SLC24A4: variants seen among roughly 807,000 people sequenced by gnomAD.
SLC24A4 encodes the protein sodium/potassium/calcium exchanger 4.
SLC24A4 carries 53 observed loss-of-function variants against 79.0 expected under a neutral mutation model. That is an observed-to-expected ratio of 0.67 (90% CI 0.54 to 0.84). SLC24A4 has a LOEUF of 0.84. Ranked by LOEUF, SLC24A4 falls within the 40% of genes least tolerant of loss-of-function variation. The pLI, the probability that SLC24A4 is intolerant of heterozygous loss-of-function variation, is 0.00. For synonymous variants in SLC24A4, 323 were observed against 323.8 expected (o/e 1.00, Z 0.03); for missense variants, 731 against 822.0 (o/e 0.89, Z 1.35).
chr14:92,456,777 C>T (rs1893499224), intron 12 of SLC24A4, among the ~76,000 whole-genome samples, 169 bp downstream of exon 12: 1 of 152,186 alleles, frequency 6.6e-6, no homozygotes, highest in African/African-American at 2.4e-5. Context: ...GTCCTCAGTA[C>T]TGAACTGTGG....
chr14:92,370,999 A>G (rs931151811), intron 2 of SLC24A4, among the ~76,000 whole-genome samples: 1 of 152,212 alleles, frequency 6.6e-6, no homozygotes, highest in African/African-American at 2.4e-5. Flanking sequence ...ACCTCCAATC[A>G]AGTATTGATA....
intron 2 of SLC24A4, among the ~76,000 whole-genome samples, chr14:92,366,664 C>A (rs1388147609): frequency 1.3e-5 from 2 of 152,180 alleles, no homozygotes; most frequent in African/African-American, 4.8e-5. Flanking sequence ...GGGGCCAGAA[C>A]CACTTTGGAA....
intron 2 of SLC24A4, among the ~76,000 whole-genome samples, chr14:92,417,903 G>A (rs184098989): frequency 5.9e-4 from 90 of 152,320 alleles, no homozygotes; most frequent in Middle Eastern, 6.8e-3. Context: ...TGCTCGTGCA[G>A]CAGTGAAACT....
chr14:92,378,759 A>G (rs1428490999), intron 2 of SLC24A4, among the ~76,000 whole-genome samples: 2 of 152,212 alleles, frequency 1.3e-5, no homozygotes, highest in Admixed American at 6.5e-5. Flanking sequence ...TTAAAAGTGA[A>G]ACAAAATGAG....
At chr14:92,333,012 C>T (rs190673199) in intron 2 of SLC24A4, among the ~76,000 whole-genome samples, 47 of 152,230 alleles carry the variant, frequency 3.1e-4, no homozygotes, top group Admixed American at 2.9e-3. Context: ...GTGTCTTGAC[C>T]GGCATTATTT....
intron 2 of SLC24A4, among the ~76,000 whole-genome samples, chr14:92,429,048 A>G (rs572876978): frequency 6.6e-6 from 1 of 152,204 alleles, no homozygotes; most frequent in Non-Finnish European, 1.5e-5. Context: ...TCGAGGTTAT[A>G]GAGACCTAAG....
chr14:92,340,339 C>T (rs577540143), intron 2 of SLC24A4, among the ~76,000 whole-genome samples: 1 of 152,372 alleles, frequency 6.6e-6, no homozygotes, highest in African/African-American at 2.4e-5. Context: ...GACACACTCA[C>T]ATGCCCGGCA....
In SLC24A4 at chr14:92,499,856, TTG is replaced by T; in HGVS notation, c.*6229_*6230del. ...TCTTTTTTTCTCTTTTTTTTTTTTT[TTG>T]AGATGGAGCCTCACTCTGTTGCCCA... is the stretch of plus-strand genomic sequence containing the variant. On this transcript the variant is annotated 3_prime_UTR_variant, in exon 17 of 17. Transcript: ENST00000532405. 1 of 149,634 alleles carries T rather than the reference TTG, an allele frequency of 6.7e-6. No homozygotes were observed. 9.3% of individuals were successfully genotyped at this position (149,634 alleles called of 1,614,324 possible).
chr14:92,387,825 A>C (rs1003326185), intron 2 of SLC24A4, among the ~76,000 whole-genome samples: 2 of 152,154 alleles, frequency 1.3e-5, no homozygotes, highest in Non-Finnish European at 2.9e-5. Context: ...TTCTTTTGTG[A>C]CCAGCGTATT....
chr14:92,377,328 G>A (rs750320014), intron 2 of SLC24A4, among the ~76,000 whole-genome samples: 3 of 152,224 alleles, frequency 2.0e-5, no homozygotes, highest in Non-Finnish European at 4.4e-5. Flanking sequence ...CCTGAGAGCC[G>A]TGTGGCATGG....
At chr14:92,454,112 G>A in intron 11 of SLC24A4, 43 bp downstream of exon 11, 1 of 1,586,034 alleles carries the variant, frequency 6.3e-7, no homozygotes, top group Non-Finnish European at 8.6e-7. Context: ...AGCCTTGGAT[G>A]CAGGAGGCCT....
rs186929217 is a variant in SLC24A4, at chr14:92,380,889, C to T, written c.242-53023C>T. Among the ~76,000 whole-genome samples, 22 of 152,266 alleles carry T rather than the reference C, an allele frequency of 1.4e-4. No homozygotes were observed. The East Asian group carries it at 4.1e-3, about 28-fold the overall frequency. On this transcript the variant is annotated intron_variant, in intron 2 of 16. Transcript: ENST00000532405. ...GACCGTGGACCAGGGAGGTGACTGC[C>T]GTGAGTCCCAGTGGCATCTTGTGTA...
At chr14:92,426,710 G>C (rs1309242794) in intron 2 of SLC24A4, among the ~76,000 whole-genome samples, 1 of 151,832 alleles carries the variant, frequency 6.6e-6, no homozygotes, top group African/African-American at 2.4e-5. Context: ...TGTTGCCCAT[G>C]AAAGGCATAA....
chr14:92,376,078 C>G (rs1265408783), intron 2 of SLC24A4, among the ~76,000 whole-genome samples: 1 of 152,146 alleles, frequency 6.6e-6, no homozygotes, highest in Non-Finnish European at 1.5e-5. Flanking sequence ...CTTCTGTTTG[C>G]TGTGAGGCCA....
At chr14:92,478,653 G>T (rs4900127) in intron 12 of SLC24A4, among the ~76,000 whole-genome samples, 139,785 of 148,160 alleles carry the variant, frequency 0.94, 65,713 homozygotes, top group Non-Finnish European at 0.99. Context: ...GCTTTGTTTT[G>T]TTTTTTTTTC....
chr14:92,379,300 C>T (rs1469660760), intron 2 of SLC24A4, among the ~76,000 whole-genome samples: 2 of 152,038 alleles, frequency 1.3e-5, no homozygotes, highest in African/African-American at 2.4e-5. Context: ...GTGCTTTCTG[C>T]CCAAATTCTC....
intron 8 of SLC24A4, 86 bp from the exon 9 acceptor site, chr14:92,447,285 C>T: frequency 1.6e-6 from 2 of 1,245,242 alleles, no homozygotes; most frequent in Non-Finnish European, 1.2e-6. Context: ...GACATCCCGC[C>T]CTTCCCCACT....
intron 2 of SLC24A4, among the ~76,000 whole-genome samples, chr14:92,373,264 G>A (rs980058268): frequency 3.3e-5 from 5 of 151,486 alleles, no homozygotes; most frequent in Non-Finnish European, 7.4e-5. Context: ...GGCTGGTCTC[G>A]AACTCCTGGC....
chr14:92,426,860 A>G (rs1016540454), intron 2 of SLC24A4, among the ~76,000 whole-genome samples: 1 of 152,206 alleles, frequency 6.6e-6, no homozygotes, highest in African/African-American at 2.4e-5. Context: ...ATTTGAGGCT[A>G]TTTAAATTAC....
Sources: allele counts gnomAD v4.1 joint callset (sites outside exome capture counted in the v4.1 genomes callset), GRCh38; gene constraint gnomAD v4.1.1; transcripts MANE v1.5; gene names NCBI Gene and HGNC (gene_info 2026-07-23, HGNC 2026-07-21).